Variants in NUDT3 observed in about 807,000 individuals in gnomAD.
NUDT3 encodes nudix hydrolase 3.
In NUDT3, 9 loss-of-function variants were observed where a neutral mutation model predicts 23.6. That is an observed-to-expected ratio of 0.38 (90% confidence interval 0.23 to 0.66). The LOEUF (loss-of-function observed/expected upper bound fraction) is 0.66. Among genes scored for constraint, NUDT3 ranks in the 30% least tolerant of loss-of-function variants. The pLI is 0.52. For synonymous variants in NUDT3, 86 were observed against 82.6 expected, an observed-to-expected ratio of 1.04 and a Z score of -0.22; for missense variants, 172 against 218.5, an observed-to-expected ratio of 0.79 and a Z score of 1.34.
chr6:34,304,266 A>AG (rs1224874502), intron 2 of NUDT3, among the ~76,000 whole-genome samples: 6 of 151,766 alleles, frequency 4.0e-5, no homozygotes, highest in African/African-American at 1.5e-4. Flanking sequence ...AAAAAAAAAA[A>AG]AAAAAGAAAG....
Position 34,287,699 on chromosome 6 carries a change from T to C in NUDT3, c.*1054A>G, listed in dbSNP as rs206942. 0.33 allele frequency: 50,332 copies of C among 152,166 alleles called. 9,925 individuals carry two copies. The highest frequency in any genetic ancestry group is 0.51 in the African/African-American group (21,300 of 41,460). The allele number at this position is 152,166 out of a possible 1,614,324, so 9.4% of individuals were successfully genotyped here. A position where few individuals can be genotyped will look rare whatever the true frequency, so the allele number is the denominator to read the frequency against. On this transcript the variant is annotated 3_prime_UTR_variant, in exon 5 of 5. Transcript: ENST00000607016. ...AGTTGGATGCTTCAGAGCACATGGATGATACCCAGGTCAGCACGGTGTAAG... is the reference window on the plus strand; with the variant it reads ...AGTTGGATGCTTCAGAGCACATGGACGATACCCAGGTCAGCACGGTGTAAG...
At chr6:34,381,399 T>C (rs1028530419) in intron 1 of NUDT3, among the ~76,000 whole-genome samples, 1 of 151,956 alleles carries the variant, frequency 6.6e-6, no homozygotes, top group Non-Finnish European at 1.5e-5. Flanking sequence ...GTATTCTTTA[T>C]AGATACCACA....
chr6:34,358,870 T>C (rs983092774), intron 1 of NUDT3, among the ~76,000 whole-genome samples: 2 of 152,124 alleles, frequency 1.3e-5, no homozygotes, highest in Non-Finnish European at 2.9e-5. Flanking sequence ...AGTAACTATA[T>C]AGGAGAAAAT....
At chr6:34,297,730 A>AAAAATATATAT (rs61610076) in intron 2 of NUDT3, among the ~76,000 whole-genome samples, 2 of 72,006 alleles carry the variant, frequency 2.8e-5, no homozygotes, top group Admixed American at 2.0e-4. Context: ...AAAAAAAAAA[A>AAAAATATATAT]ATATATATAT....
chr6:34,334,672 G>A (rs113139120), intron 2 of NUDT3, among the ~76,000 whole-genome samples: 3,270 of 152,014 alleles, frequency 0.022, 92 homozygotes, highest in African/African-American at 0.066. Flanking sequence ...CAAGTACAAC[G>A]GCCTACACCT....
chr6:34,322,292 AC>A (rs1763955212), intron 2 of NUDT3, among the ~76,000 whole-genome samples: 1 of 151,104 alleles, frequency 6.6e-6, no homozygotes. Context: ...GTGCAGTGGC[AC>A]GATTTCAGCT....
chr6:34,365,154 G>A (rs7764155), intron 1 of NUDT3, among the ~76,000 whole-genome samples: 1,620 of 152,242 alleles, frequency 0.011, 30 homozygotes, highest in African/African-American at 0.037. Context: ...AATCGGCCAG[G>A]CAAGGTGGCT....
chr6:34,293,775 C>T (rs760243147), intron 3 of NUDT3, among the ~76,000 whole-genome samples: 4 of 152,150 alleles, frequency 2.6e-5, no homozygotes, highest in Non-Finnish European at 5.9e-5. Context: ...TCCTCCCCTT[C>T]CCCTAAATAC....
At chr6:34,318,309 T>A (rs941112133) in intron 2 of NUDT3, among the ~76,000 whole-genome samples, 1 of 152,184 alleles carries the variant, frequency 6.6e-6, no homozygotes, top group African/African-American at 2.4e-5. Context: ...TGTAAAAAAA[T>A]TTTTTAAACT....
At chr6:34,322,479 T>C (rs763536405) in intron 2 of NUDT3, among the ~76,000 whole-genome samples, 7 of 152,186 alleles carry the variant, frequency 4.6e-5, no homozygotes, top group African/African-American at 1.7e-4. Flanking sequence ...TCCGCCCACC[T>C]TGGCCTCCCA....
intron 1 of NUDT3, among the ~76,000 whole-genome samples, chr6:34,374,155 TCAA>T (rs1363948561): frequency 1.8e-5 from 1 of 54,218 alleles, no homozygotes; most frequent in Non-Finnish European, 3.3e-5. Flanking sequence ...AGGCTCCCTC[TCAA>T]AAAAAAAAAA....
intron 2 of NUDT3, among the ~76,000 whole-genome samples, chr6:34,340,560 T>G (rs1764272957): frequency 6.6e-6 from 1 of 152,202 alleles, no homozygotes; most frequent in Non-Finnish European, 1.5e-5. Flanking sequence ...TTACACCCTC[T>G]CTTGATTCCA....
intron 2 of NUDT3, among the ~76,000 whole-genome samples, chr6:34,324,878 T>C (rs1374725585): frequency 6.6e-6 from 1 of 152,204 alleles, no homozygotes. Flanking sequence ...GAGGCGGTTC[T>C]ACTAGGAATA....
chr6:34,313,632 C>T (rs971544979), intron 2 of NUDT3, among the ~76,000 whole-genome samples: 1 of 151,640 alleles, frequency 6.6e-6, no homozygotes, highest in African/African-American at 2.4e-5. Context: ...GTGTGGTTTG[C>T]ACTCAATTTT....
chr6:34,349,665 C>CT (rs1764436940), intron 1 of NUDT3, among the ~76,000 whole-genome samples: 1 of 150,612 alleles, frequency 6.6e-6, no homozygotes, highest in South Asian at 2.1e-4. Context: ...GATCTGACCC[C>CT]TTTCTCCCTA....
At chr6:34,339,988 T>G (rs1338920548) in intron 2 of NUDT3, among the ~76,000 whole-genome samples, 1 of 152,174 alleles carries the variant, frequency 6.6e-6, no homozygotes, top group Non-Finnish European at 1.5e-5. Context: ...TGCCAGGAAG[T>G]TTAAGCATAA....
intron 2 of NUDT3, among the ~76,000 whole-genome samples, chr6:34,320,554 C>G (rs1763925426): frequency 1.3e-5 from 2 of 152,120 alleles, no homozygotes; most frequent in African/African-American, 2.4e-5. Flanking sequence ...TCACACTAGG[C>G]TGGGCACAGT....
intron 1 of NUDT3, among the ~76,000 whole-genome samples, chr6:34,380,334 G>A (rs143995513): frequency 0.011 from 1,615 of 152,054 alleles, 29 homozygotes; most frequent in African/African-American, 0.037. Context: ...TTACAGGCGC[G>A]AGCCACAGCG....
intron 3 of NUDT3, among the ~76,000 whole-genome samples, chr6:34,293,913 A>C (rs1195566053): frequency 1.3e-5 from 2 of 152,140 alleles, no homozygotes; most frequent in Non-Finnish European, 2.9e-5. Flanking sequence ...CCAGCAAGGC[A>C]AACAAGCTGA....
Sources: allele counts gnomAD v4.1 joint callset (sites outside exome capture counted in the v4.1 genomes callset), GRCh38; gene constraint gnomAD v4.1.1; transcripts MANE v1.5; gene names NCBI Gene and HGNC (gene_info 2026-07-23, HGNC 2026-07-21).